The following NCAM2 variants were observed in gnomAD, a reference collection of about 807,000 sequenced individuals.
The protein encoded by NCAM2 is N-CAM-2.
NCAM2 carries 30 observed loss-of-function variants against 98.1 expected under a neutral mutation model. The observed-to-expected ratio is 0.31, with a 90% CI of 0.23 to 0.41. The LOEUF (loss-of-function observed/expected upper bound fraction) is 0.41. Among genes scored for constraint, NCAM2 ranks in the 10% least tolerant of loss-of-function variants. NCAM2 has a pLI of 1.00. For missense variants in NCAM2, 867 were observed against 1,005.8 expected, an observed-to-expected ratio of 0.86 and a Z score of 1.87; for synonymous variants, 368 against 342.4, an observed-to-expected ratio of 1.07 and a Z score of -0.83.
chr21:21,512,223 T>A (rs1988431679), intron 16 of NCAM2, among the ~76,000 whole-genome samples: 1 of 152,114 alleles, frequency 6.6e-6, no homozygotes, highest in Middle Eastern at 3.4e-3. Flanking sequence ...TTTCATAGAT[T>A]TGGTCTTCGA....
intron 1 of NCAM2, among the ~76,000 whole-genome samples, chr21:21,237,949 CT>C (rs71195313): frequency 3.5e-5 from 4 of 114,474 alleles, no homozygotes; most frequent in African/African-American, 1.4e-4. Flanking sequence ...CATTGTAATT[CT>C]TTTTTTTTTT....
chr21:21,287,029 C>T (rs1822659), intron 4 of NCAM2, among the ~76,000 whole-genome samples: 119,200 of 151,838 alleles, frequency 0.79, 47,051 homozygotes, highest in East Asian at 0.99. Flanking sequence ...AAAGTACTTT[C>T]ATTCAAATTG....
At chr21:21,192,144 A>G (rs1267402916) in intron 1 of NCAM2, among the ~76,000 whole-genome samples, 2 of 152,164 alleles carry the variant, frequency 1.3e-5, no homozygotes, top group Non-Finnish European at 2.9e-5. Flanking sequence ...AATCACTTGA[A>G]TCCAGGAGGC....
At chr21:21,249,673 T>C (rs566233256) in intron 1 of NCAM2, among the ~76,000 whole-genome samples, 1 of 95,024 alleles carries the variant, frequency 1.1e-5, no homozygotes, top group African/African-American at 4.2e-5. Context: ...CCCCCACAAT[T>C]ATTTATTTAT....
intron 1 of NCAM2, among the ~76,000 whole-genome samples, chr21:21,021,762 T>C (rs1601115334): frequency 6.6e-6 from 1 of 152,348 alleles, no homozygotes; most frequent in Admixed American, 6.5e-5. Flanking sequence ...CCATCTCTTA[T>C]GAACGACTAG....
At chr21:21,143,142 C>T (rs2067203593) in intron 1 of NCAM2, among the ~76,000 whole-genome samples, 1 of 152,130 alleles carries the variant, frequency 6.6e-6, no homozygotes, top group African/African-American at 2.4e-5. Flanking sequence ...TTTTTTGTCT[C>T]ACTGCAAAGG....
At chr21:21,436,769 C>CTTT (rs199997405) in intron 12 of NCAM2, among the ~76,000 whole-genome samples, 2 of 138,032 alleles carry the variant, frequency 1.4e-5, no homozygotes, top group African/African-American at 5.4e-5. Flanking sequence ...CTTTTTTTTT[C>CTTT]TTTTTTTTTT....
intron 5 of NCAM2, among the ~76,000 whole-genome samples, chr21:21,320,931 T>A (rs141644363): frequency 1.1e-4 from 17 of 152,294 alleles, no homozygotes; most frequent in Non-Finnish European, 1.9e-4. Flanking sequence ...TCTAACTTCA[T>A]ATAATAAAAT....
intron 1 of NCAM2, among the ~76,000 whole-genome samples, chr21:21,233,840 G>C (rs1418162430): frequency 6.6e-6 from 1 of 151,592 alleles, no homozygotes; most frequent in Non-Finnish European, 1.5e-5. Flanking sequence ...TACCATTTTT[G>C]TTTGGTCTTA....
chr21:21,105,272 G>A (rs1448100477), intron 1 of NCAM2, among the ~76,000 whole-genome samples: 1 of 152,112 alleles, frequency 6.6e-6, no homozygotes, highest in East Asian at 1.9e-4. Flanking sequence ...TTAATGGGTA[G>A]TAATCTGAAA....
chr21:21,320,712 G>C (rs904532896), intron 5 of NCAM2, among the ~76,000 whole-genome samples: 5 of 152,048 alleles, frequency 3.3e-5, no homozygotes, highest in African/African-American at 1.2e-4. Context: ...ATATTGAGAG[G>C]CTATATAATA....
chr21:21,038,520 T>C (rs1351805899), intron 1 of NCAM2, among the ~76,000 whole-genome samples: 3 of 152,088 alleles, frequency 2.0e-5, no homozygotes, highest in Non-Finnish European at 4.4e-5. Flanking sequence ...TGATAGTGAG[T>C]GAGTTCTTAT....
chr21:21,090,405 G>A (rs540831375), intron 1 of NCAM2, among the ~76,000 whole-genome samples: 1 of 152,284 alleles, frequency 6.6e-6, no homozygotes, highest in African/African-American at 2.4e-5. Flanking sequence ...GCATGTCAAA[G>A]AGTGAATATG....
chr21:21,115,200 T>G (rs2066529752), intron 1 of NCAM2, among the ~76,000 whole-genome samples: 1 of 152,160 alleles, frequency 6.6e-6, no homozygotes, highest in Non-Finnish European at 1.5e-5. Context: ...AGGTCAATGT[T>G]ATATTTGCTT....
intron 6 of NCAM2, among the ~76,000 whole-genome samples, chr21:21,325,473 G>A (rs1488125346): frequency 1.3e-5 from 2 of 152,102 alleles, no homozygotes; most frequent in Non-Finnish European, 2.9e-5. Flanking sequence ...TAAATGAGAT[G>A]TTTCTTCAAA....
rs148221704 is a variant in NCAM2 at position 21,534,822 on chromosome 21, A to G, written c.2402+166A>G. On this transcript the variant is annotated intron_variant, in intron 17 of 17. Transcript: ENST00000400546. ...AATATCTAAAATCCATTTTCTAAGG[A>G]GACATTTTTCATGAAAACTTTGTAT... Among the ~76,000 whole-genome samples the G allele has an allele frequency of 1.6e-4, 24 of 152,216 alleles. No homozygotes were observed. In the East Asian group the frequency reaches 3.5e-3, roughly 22 times the overall value.
At chr21:21,235,151 G>C (rs1407461130) in intron 1 of NCAM2, among the ~76,000 whole-genome samples, 1 of 151,674 alleles carries the variant, frequency 6.6e-6, no homozygotes, top group Non-Finnish European at 1.5e-5. Flanking sequence ...AAAAAAAGTG[G>C]GGAGAGAGTT....
At chr21:21,522,561 A>G (rs1989080543) in intron 16 of NCAM2, among the ~76,000 whole-genome samples, 1 of 150,936 alleles carries the variant, frequency 6.6e-6, no homozygotes, top group African/African-American at 2.4e-5. Context: ...ACAAAAATAG[A>G]GGGTATTTTT....
intron 11 of NCAM2, among the ~76,000 whole-genome samples, chr21:21,430,690 G>GC (rs2077316236): frequency 6.6e-6 from 1 of 151,762 alleles, no homozygotes; most frequent in Non-Finnish European, 1.5e-5. Context: ...TGGAGAAACC[G>GC]CCCCCATGAT....
Sources: allele counts gnomAD v4.1 joint callset (sites outside exome capture counted in the v4.1 genomes callset), GRCh38; gene constraint gnomAD v4.1.1; transcripts MANE v1.5; gene names NCBI Gene and HGNC (gene_info 2026-07-23, HGNC 2026-07-21).